CTSH: variants seen among roughly 807,000 people sequenced by gnomAD.
CTSH encodes the protein pro-cathepsin H.
Under a neutral mutation model 56.3 loss-of-function variants are expected in CTSH, and 52 were observed. The ratio of observed to expected loss-of-function variants is 0.92; its 90% CI spans 0.74 to 1.16. The LOEUF (loss-of-function observed/expected upper bound fraction) is 1.16, where lower values mean the gene tolerates loss of function less well. Ranked by LOEUF, CTSH falls within the 50% of genes most tolerant of loss-of-function variation. The pLI is 0.00. For missense variants in CTSH, 406 were observed against 424.5 expected (o/e 0.96, Z 0.38); for synonymous variants, 174 against 155.7 (o/e 1.12, Z -0.88).
chr15:78,927,740 A>G lies in CTSH; in HGVS notation c.672T>C (p.Phe224=). The G allele has an allele frequency of 6.2e-7, 1 of 1,614,218 alleles. No homozygotes were observed. The highest frequency in any genetic ancestry group is 8.5e-7 in the Non-Finnish European group (1 of 1,180,044). Reference sequence around the variant, plus strand: ...TTGTGATGTTGGCTACATCCTTGACAAAGCCGATGGCCTTTCCAGGTTGGA... The same window carrying G: ...TTGTGATGTTGGCTACATCCTTGACGAAGCCGATGGCCTTTCCAGGTTGGA... The part of the protein sequence containing the change: ...CKFQPGKAIG[F]VKDVANITIY... The change falls in exon 9 of 12, where the codon TTT becomes TTC. Residue 224 remains phenylalanine (F), a synonymous_variant. Transcript: ENST00000220166.
At chr15:78,936,439 G>C (rs2055179073) in intron 3 of CTSH, among the ~76,000 whole-genome samples, 1 of 151,766 alleles carries the variant, frequency 6.6e-6, no homozygotes, top group Non-Finnish European at 1.5e-5. Context: ...ATAGGTGTGG[G>C]CCACCACACC....
At chr15:78,929,322 G>A (rs1454576373) in intron 8 of CTSH, 90 bp downstream of exon 8, 1 of 980,718 alleles carries the variant, frequency 1.0e-6, no homozygotes, top group Admixed American at 2.1e-5. Flanking sequence ...AGGGAGGTGG[G>A]GGGAGAAGGG....
chr15:78,927,030 C>T (rs3825931), intron 9 of CTSH: 16,859 of 152,452 alleles, frequency 0.11, 1,009 homozygotes, highest in East Asian at 0.26. Flanking sequence ...TCCTCACACA[C>T]CCTCCCACAC....
chr15:78,935,531 A>C, intron 4 of CTSH, 149 bp downstream of exon 4: 1 of 632,368 alleles, frequency 1.6e-6, no homozygotes, highest in South Asian at 2.1e-5. Context: ...CTGAGAGCTG[A>C]CTCTTCTGGT....
chr15:78,928,365 T>C (rs1452060068), intron 8 of CTSH, among the ~76,000 whole-genome samples: 3 of 126,052 alleles, frequency 2.4e-5, no homozygotes. Flanking sequence ...AGGAGTTCAA[T>C]ACCAGTCTGG....
At chr15:78,923,208 G>C in intron 10 of CTSH, 90 bp from the exon 11 acceptor site, 1 of 1,470,264 alleles carries the variant, frequency 6.8e-7, no homozygotes, top group Non-Finnish European at 9.4e-7. Context: ...GAGCGCTTTA[G>C]AGCAATGTTC....
At chr15:78,927,288 T>C (rs1020426149) in intron 9 of CTSH, 1 of 222,800 alleles carries the variant, frequency 4.5e-6, no homozygotes, top group Non-Finnish European at 9.0e-6. Flanking sequence ...CACACACCCT[T>C]TGACTGTTGT....
intron 1 of CTSH, among the ~76,000 whole-genome samples, chr15:78,941,521 G>A (rs891599883): frequency 6.7e-5 from 10 of 148,414 alleles, no homozygotes; most frequent in African/African-American, 2.2e-4. Context: ...AGCTGGGCGC[G>A]GTGGCTCATG....
At chr15:78,943,995 T>C (rs114107282) in intron 1 of CTSH, among the ~76,000 whole-genome samples, 1,613 of 152,194 alleles carry the variant, frequency 0.011, 45 homozygotes, top group African/African-American at 0.037. Flanking sequence ...AGATTCAGCC[T>C]CAGTGATCTC....
chr15:78,930,563 A>C (rs1423822999), intron 7 of CTSH, among the ~76,000 whole-genome samples: 2 of 151,766 alleles, frequency 1.3e-5, no homozygotes, highest in African/African-American at 4.8e-5. Flanking sequence ...TAAATAAATA[A>C]ATAAATAAAA....
Position 78,923,110 on chromosome 15 carries a change from C to A in CTSH, c.815G>T (p.Cys272Phe). The A allele has an allele frequency of 6.2e-7, 1 of 1,612,356 alleles. No homozygotes were observed. The highest frequency in any genetic ancestry group is 1.7e-5 in the Admixed American group (1 of 59,494). Reference sequence around the variant, plus strand: ...GTTTACTTTATCTGGAGTTTTATGGCAGGAAGTACTGGAAAACAAAATTCA... The same window carrying A: ...GTTTACTTTATCTGGAGTTTTATGGAAGGAAGTACTGGAAAACAAAATTCA... ...YRTGIYSSTS[C>F]HKTPDKVNHA... The change falls in exon 11 of 12, where the codon TGC (cysteine) becomes TTC (phenylalanine). Residue 272 changes from cysteine (C) to phenylalanine (F), a missense_variant. Transcript: ENST00000220166.
rs368667288 is a variant in CTSH at position 78,944,928 on chromosome 15, G to A, written c.54C>T (p.Pro18=). ...CGCACAGTTCGGCGGCACCGCAGACGGGGACTCCCAGGAGCCAGGCCCCGG... is the reference window on the plus strand; with the variant it reads ...CGCACAGTTCGGCGGCACCGCAGACAGGGACTCCCAGGAGCCAGGCCCCGG... ...LCAGAWLLGV[P]VCGAAELCVN... is the part of the protein sequence containing the mutation. The change falls in exon 1 of 12, where the codon CCC becomes CCT. Residue 18 remains proline (P), a synonymous_variant. Transcript: ENST00000220166. 30 of 1,548,438 alleles carry A rather than the reference G, an allele frequency of 1.9e-5. No individual in the cohort carries two copies. The South Asian group carries it at 2.1e-4, about 11-fold the overall frequency.
intron 5 of CTSH, among the ~76,000 whole-genome samples, chr15:78,932,887 T>C (rs1049216521): frequency 1.6e-4 from 25 of 152,172 alleles, no homozygotes; most frequent in Non-Finnish European, 2.8e-4. Flanking sequence ...ACTGGTTCCC[T>C]GCAGAAGGAT....
At chr15:78,923,394 A>G (rs2054821599) in intron 10 of CTSH, among the ~76,000 whole-genome samples, 1 of 152,170 alleles carries the variant, frequency 6.6e-6, no homozygotes, top group African/African-American at 2.4e-5. Flanking sequence ...GGTTCAAACG[A>G]TTCTCCTGCC....
intron 4 of CTSH, 81 bp downstream of exon 4, chr15:78,935,599 C>T: frequency 8.0e-7 from 1 of 1,243,110 alleles, no homozygotes; most frequent in Non-Finnish European, 1.2e-6. Context: ...CTGAATCTGC[C>T]TAGAAGCAGA....
At position 78,932,424 on chromosome 15, in the gene CTSH, G is replaced by C. The variant is rs749842358; in HGVS notation, c.440C>G (p.Thr147Ser). 6.2e-7 allele frequency: 1 copy of C among 1,614,142 alleles called. No individual in the cohort carries two copies. The highest frequency in any genetic ancestry group is 1.3e-5 in the African/African-American group (1 of 75,046). ...GGCGATCGCAGACTCCAGGGCCCCAGTGGTGGAGAAAGTCCAGCAACTGCC... is the reference window on the plus strand; with the variant it reads ...GGCGATCGCAGACTCCAGGGCCCCACTGGTGGAGAAAGTCCAGCAACTGCC... ...ACGSCWTFST[T>S]GALESAIAIA... The change falls in exon 6 of 12, where the codon ACT becomes AGT. Residue 147 changes from threonine (T) to serine (S), a missense_variant. Coordinates refer to ENST00000220166, the MANE Select transcript of CTSH (RefSeq NM_004390.5).
rs1428638039 is a variant in CTSH, at chr15:78,922,016, T to C, written c.*114A>G. 2.1e-6 allele frequency: 2 copies of C among 944,130 alleles called. No individual in the cohort carries two copies. Among genetic ancestry groups the C allele is most frequent in the African/African-American group, 1.6e-5 (1 of 61,554 alleles). 58.5% of individuals were successfully genotyped at this position (944,130 alleles called of 1,614,324 possible). On this transcript the variant is annotated 3_prime_UTR_variant, in exon 12 of 12. Coordinates refer to ENST00000220166, the MANE Select transcript of CTSH (RefSeq NM_004390.5). ...GCTGGGCACAGAGGTGAGGGCAGAA[T>C]GTTGGGGGTCCCAGTGGATCTCCCC...
chr15:78,922,509 C>T lies in CTSH; in HGVS notation c.933-304G>A, dbSNP rs562961075. Reference sequence around the variant, plus strand: ...CACAGCTATTTTATCACCAGGAGCCCGAGGGAACAGGAAAGCTCTCCTTTT... The same window carrying T: ...CACAGCTATTTTATCACCAGGAGCCTGAGGGAACAGGAAAGCTCTCCTTTT... On this transcript the variant is annotated intron_variant, in intron 11 of 11. Coordinates refer to ENST00000220166, the MANE Select transcript of CTSH (RefSeq NM_004390.5). 1.2e-4 allele frequency among the ~76,000 whole-genome samples: 19 copies of T among 152,138 alleles called. No homozygotes were observed. In the East Asian group the frequency reaches 1.6e-3, roughly 12 times the overall value.
chr15:78,929,596 CTTGG>C (rs1264448797), intron 7 of CTSH, 103 bp from the exon 8 acceptor site: 4 of 721,428 alleles, frequency 5.5e-6, no homozygotes, highest in African/African-American at 3.6e-5. Flanking sequence ...AGGCTGGGGA[CTTGG>C]TTGGGCATGT....
Sources: allele counts gnomAD v4.1 joint callset (sites outside exome capture counted in the v4.1 genomes callset), GRCh38; gene constraint gnomAD v4.1.1; transcripts MANE v1.5; gene names NCBI Gene and HGNC (gene_info 2026-07-23, HGNC 2026-07-21).